Variants in CC2D2A observed in about 807,000 individuals in gnomAD.
The protein encoded by CC2D2A is coiled-coil and C2 domain containing 2A, also known as coiled-coil and C2 domain-containing protein 2A.
CC2D2A carries 155 observed loss-of-function variants against 212.9 expected under a neutral mutation model. The observed-to-expected ratio is 0.73, with a 90% CI of 0.64 to 0.83. CC2D2A has a LOEUF of 0.83. Among genes scored for constraint, CC2D2A ranks in the 40% least tolerant of loss-of-function variants. The pLI, the probability that CC2D2A is intolerant of heterozygous loss-of-function variation, is 0.00. For synonymous variants in CC2D2A, 667 were observed against 686.5 expected, an observed-to-expected ratio of 0.97 and a Z score of 0.44; for missense variants, 1,856 against 1,956.2, an observed-to-expected ratio of 0.95 and a Z score of 0.97.
intron 16 of CC2D2A, 54 bp downstream of exon 16, chr4:15,538,191 G>C (rs554694041): frequency 6.8e-7 from 1 of 1,470,498 alleles, no homozygotes; most frequent in East Asian, 2.5e-5. Flanking sequence ...ACATGTTCAC[G>C]TGGGCACATG....
intron 4 of CC2D2A, among the ~76,000 whole-genome samples, chr4:15,494,696 G>T (rs548033238): frequency 6.6e-6 from 1 of 152,258 alleles, no homozygotes; most frequent in South Asian, 2.1e-4. Flanking sequence ...TGTGTCCTAT[G>T]TACCCATAGC....
intron 29 of CC2D2A, among the ~76,000 whole-genome samples, chr4:15,577,515 C>G (rs570889183): frequency 1.3e-5 from 2 of 152,140 alleles, no homozygotes; most frequent in African/African-American, 4.8e-5. Context: ...TAGCATACTA[C>G]TAATCCTTAA....
intron 11 of CC2D2A, among the ~76,000 whole-genome samples, chr4:15,522,298 AT>A (rs1281541209): frequency 2.0e-5 from 3 of 152,208 alleles, no homozygotes; most frequent in African/African-American, 7.2e-5. Context: ...CAGAGCCTTG[AT>A]GAATTTATGC....
chr4:15,497,622 C>G (rs376722221), intron 4 of CC2D2A, among the ~76,000 whole-genome samples: 16 of 152,154 alleles, frequency 1.1e-4, no homozygotes, highest in African/African-American at 3.9e-4. Context: ...ATATTCCTAC[C>G]AGCATAGAAG....
chr4:15,471,170 C>A (rs1247652392), intron 1 of CC2D2A, among the ~76,000 whole-genome samples: 1 of 152,142 alleles, frequency 6.6e-6, no homozygotes, highest in Admixed American at 6.5e-5. Flanking sequence ...TATTCCAAAA[C>A]AATGTATGTG....
chr4:15,528,644 C>A lies in CC2D2A; in HGVS notation c.1384C>A (p.Gln462Lys), dbSNP rs1717639197. The A allele has an allele frequency of 1.9e-6, 3 of 1,613,690 alleles. No homozygotes were observed. In the East Asian group the frequency reaches 6.7e-5, roughly 36 times the overall value. Residue 462 changes from glutamine to lysine, a missense_variant, in exon 13 of 37, where the codon CAG (glutamine) becomes AAG (lysine). Gln to Lys is a moderately conservative substitution (Grantham distance 53). Coordinates refer to ENST00000424120, the MANE Select transcript of CC2D2A (RefSeq NM_001378615.1). Reference protein sequence around the residue: ...DKLQALRNAVQTGLDPEKPHQ... With the variant: ...DKLQALRNAVKTGLDPEKPHQ... ...GCTCCAAGCTTTAAGAAATGCTGTT[C>A]AGACTGGCCTTGATCCAGAAAAACC...
intron 33 of CC2D2A, among the ~76,000 whole-genome samples, chr4:15,591,411 G>T (rs1376586931): frequency 6.6e-6 from 1 of 151,908 alleles, no homozygotes; most frequent in Non-Finnish European, 1.5e-5. Context: ...TAGAGACGGG[G>T]TTTCTCCATG....
intron 23 of CC2D2A, among the ~76,000 whole-genome samples, chr4:15,561,850 T>G (rs1263459037): frequency 6.6e-6 from 1 of 152,130 alleles, no homozygotes; most frequent in East Asian, 1.9e-4. Flanking sequence ...GGCAGAGTGA[T>G]TAAAAACATG....
At chr4:15,517,179 C>G (rs1716930382) in intron 11 of CC2D2A, among the ~76,000 whole-genome samples, 1 of 151,880 alleles carries the variant, frequency 6.6e-6, no homozygotes, top group South Asian at 2.1e-4. Flanking sequence ...GATCTCCTGA[C>G]CTCGTGATCC....
At chr4:15,522,680 A>G (rs1161411880) in intron 11 of CC2D2A, among the ~76,000 whole-genome samples, 3 of 152,222 alleles carry the variant, frequency 2.0e-5, no homozygotes, top group African/African-American at 7.2e-5. Context: ...TAAACTTCCA[A>G]TAAGAAAGAA....
intron 30 of CC2D2A, 53 bp downstream of exon 30, chr4:15,580,224 A>T: frequency 7.7e-7 from 1 of 1,299,338 alleles, no homozygotes; most frequent in Non-Finnish European, 1.1e-6. Flanking sequence ...TCACATTTCA[A>T]TATATTGCCA....
rs1231269302 is a variant in CC2D2A at position 15,563,524 on chromosome 4, T to C, written c.3182+2T>C. The C allele has an allele frequency of 6.2e-7, 1 of 1,610,952 alleles. No individual in the cohort carries two copies. The highest frequency in any genetic ancestry group is 8.5e-7 in the Non-Finnish European group (1 of 1,178,744). ...TCCAGTGAGGAAGCCGGCAGTGAGGTGAGAGCCCTCCCAACAGCCCGAGAT... is the reference window on the plus strand; with the variant it reads ...TCCAGTGAGGAAGCCGGCAGTGAGGCGAGAGCCCTCCCAACAGCCCGAGAT... On this transcript the variant is annotated splice_donor_variant, in intron 24 of 36. Transcript: ENST00000424120. LOFTEE classifies it high-confidence loss of function.
chr4:15,558,113 G>C (rs1366662052), intron 21 of CC2D2A, among the ~76,000 whole-genome samples: 1 of 152,160 alleles, frequency 6.6e-6, no homozygotes, highest in African/African-American at 2.4e-5. Flanking sequence ...ACAGGCCTGT[G>C]TAGGTGGGGC....
rs561706809 is a variant in CC2D2A, at chr4:15,495,462, A to G, written c.248-6967A>G. The stretch of plus-strand genomic sequence containing the variant: ...GTAGCTCAATGTTTAGCTCCCCCTT[A>G]TAAGTAAGAACATGCGGTATTTGGT... On this transcript the variant is annotated intron_variant, in intron 4 of 36. Transcript: ENST00000424120. Among the ~76,000 whole-genome samples the G allele has an allele frequency of 2.4e-3, 369 of 152,264 alleles. 3 individuals are homozygous for G. The highest frequency in any genetic ancestry group is 8.6e-3 in the African/African-American group (356 of 41,536).
At chr4:15,550,696 C>T in intron 17 of CC2D2A, 128 bp from the exon 18 acceptor site, 2 of 574,024 alleles carry the variant, frequency 3.5e-6, no homozygotes, top group Non-Finnish European at 5.5e-6. Context: ...CTCAACTTTC[C>T]ACAATGAGAT....
intron 30 of CC2D2A, among the ~76,000 whole-genome samples, chr4:15,584,332 C>T (rs986992051): frequency 6.6e-6 from 1 of 152,010 alleles, no homozygotes; most frequent in Non-Finnish European, 1.5e-5. Context: ...GATAGCAAAC[C>T]CAGAAATAAG....
chr4:15,517,862 C>T (rs1716974731), intron 11 of CC2D2A, among the ~76,000 whole-genome samples: 1 of 152,282 alleles, frequency 6.6e-6, no homozygotes. Flanking sequence ...GAGCAAGTCA[C>T]GTCTTACATG....
At chr4:15,568,332 G>C (rs1324425589) in intron 26 of CC2D2A, among the ~76,000 whole-genome samples, 1 of 152,236 alleles carries the variant, frequency 6.6e-6, no homozygotes, top group Non-Finnish European at 1.5e-5. Context: ...CTTACTTAAA[G>C]CCACACAGTA....
At chr4:15,513,114 CTTT>C (rs1045040613) in intron 8 of CC2D2A, among the ~76,000 whole-genome samples, 1 of 152,174 alleles carries the variant, frequency 6.6e-6, no homozygotes, top group Non-Finnish European at 1.5e-5. Context: ...CGGAAATGTA[CTTT>C]TTTTACCTAG....
Sources: gnomAD v4.1 joint callset for allele counts (sites outside exome capture counted in the v4.1 genomes callset) on GRCh38, gnomAD v4.1.1 for gene constraint, MANE v1.5 for transcripts, NCBI Gene and HGNC (gene_info 2026-07-23, HGNC 2026-07-21) for gene names.